The following DISC1 variants were observed in gnomAD, a reference collection of about 807,000 sequenced individuals.
DISC1 encodes the protein DISC1 scaffold protein.
DISC1 carries 57 observed loss-of-function variants against 84.5 expected under a neutral mutation model. That is an observed-to-expected ratio of 0.67 (90% CI 0.55 to 0.84). The LOEUF is 0.84. DISC1 is among the 40% of genes least tolerant of loss of function. The probability of loss-of-function intolerance (pLI) is 0.00; values close to 1 mark genes in which losing one functional copy is unlikely to be tolerated. For missense variants in DISC1, 1,000 were observed against 1,057.8 expected (o/e 0.95, Z 0.76); for synonymous variants, 411 against 415.2 (o/e 0.99, Z 0.12).
intron 10 of DISC1, among the ~76,000 whole-genome samples, chr1:231,965,961 T>C (rs1479252063): frequency 6.6e-6 from 1 of 152,242 alleles, no homozygotes; most frequent in Non-Finnish European, 1.5e-5. Flanking sequence ...AGATGGAGCC[T>C]TTACTTTTCT....
At chr1:231,640,734 CTA>C (rs953881746) in intron 1 of DISC1, among the ~76,000 whole-genome samples, 2 of 151,982 alleles carry the variant, frequency 1.3e-5, no homozygotes, top group South Asian at 4.2e-4. Context: ...CAGGATCTCC[CTA>C]TGTTACCCGG....
chr1:231,985,092 G>C (rs1352017731), intron 10 of DISC1, among the ~76,000 whole-genome samples: 1 of 152,094 alleles, frequency 6.6e-6, no homozygotes. Flanking sequence ...AGGCCAAGGT[G>C]GGTGGGTCAC....
intron 3 of DISC1, among the ~76,000 whole-genome samples, chr1:231,740,204 A>G (rs1212297044): frequency 6.6e-6 from 1 of 152,286 alleles, no homozygotes; most frequent in Non-Finnish European, 1.5e-5. Context: ...GTACTCTGTA[A>G]TAGCATCACC....
At chr1:231,861,941 C>T (rs1455931385) in intron 9 of DISC1, among the ~76,000 whole-genome samples, 1 of 151,828 alleles carries the variant, frequency 6.6e-6, no homozygotes, top group South Asian at 2.1e-4. Context: ...AACCAGTTCT[C>T]CAGGAAAAAA....
intron 1 of DISC1, among the ~76,000 whole-genome samples, chr1:231,652,992 C>G (rs1275951079): frequency 2.0e-4 from 30 of 152,120 alleles, no homozygotes; most frequent in Non-Finnish European, 2.9e-5. Flanking sequence ...GTTGGCCAGG[C>G]TGGTCTTGAA....
rs966308257 is a variant in DISC1 at position 232,038,842 on chromosome 1, C to T, written c.*2011C>T. The T allele has an allele frequency of 8.5e-5, 13 of 152,240 alleles. No homozygotes were observed. The highest frequency in any genetic ancestry group is 3.1e-4 in the African/African-American group (13 of 41,552). 9.4% of individuals were successfully genotyped at this position (152,240 alleles called of 1,614,324 possible). On this transcript the variant is annotated 3_prime_UTR_variant, in exon 13 of 13. Transcript: ENST00000439617. ...TCACTAGGATCCACGGATATGAGAC[C>T]ATTTTTGTCATTTCCTGAAGTCACA...
At chr1:231,635,639 T>C (rs1260847874) in intron 1 of DISC1, among the ~76,000 whole-genome samples, 1 of 152,234 alleles carries the variant, frequency 6.6e-6, no homozygotes, top group African/African-American at 2.4e-5. Flanking sequence ...AAACTCTTAA[T>C]TATATTTAGG....
At chr1:231,813,828 C>A (rs1449687045) in intron 8 of DISC1, among the ~76,000 whole-genome samples, 2 of 152,194 alleles carry the variant, frequency 1.3e-5, no homozygotes, top group Non-Finnish European at 2.9e-5. Flanking sequence ...CTGGAATAAT[C>A]TCTCTTCTCC....
intron 1 of DISC1, among the ~76,000 whole-genome samples, chr1:231,657,350 T>C (rs188453802): frequency 2.0e-5 from 3 of 152,328 alleles, no homozygotes; most frequent in South Asian, 4.1e-4. Flanking sequence ...TCGTATCTTA[T>C]TGTGGTTTTT....
At chr1:231,754,726 AG>A (rs2074950778) in intron 4 of DISC1, among the ~76,000 whole-genome samples, 1 of 152,394 alleles carries the variant, frequency 6.6e-6, no homozygotes, top group South Asian at 2.1e-4. Flanking sequence ...TAATTATATT[AG>A]GTTACACCAT....
chr1:231,999,174 A>G (rs1051220668), intron 10 of DISC1, among the ~76,000 whole-genome samples: 2 of 152,164 alleles, frequency 1.3e-5, no homozygotes, highest in Non-Finnish European at 2.9e-5. Context: ...CTGGTCTGGG[A>G]AAAAAGGCAT....
intron 9 of DISC1, among the ~76,000 whole-genome samples, chr1:231,865,541 C>G (rs1226851968): frequency 2.6e-5 from 4 of 152,196 alleles, no homozygotes; most frequent in Admixed American, 6.5e-5. Context: ...TAAACACTAA[C>G]TGATCTGTAG....
chr1:231,797,881 T>C (rs2078881486), intron 7 of DISC1, among the ~76,000 whole-genome samples: 1 of 152,100 alleles, frequency 6.6e-6, no homozygotes. Flanking sequence ...ACACAGGTTT[T>C]CCGGGGATGT....
In DISC1 at chr1:232,009,424, C is replaced by T; in HGVS notation, c.2307+375C>T. On this transcript the variant is annotated intron_variant, in intron 11 of 12. Transcript: ENST00000439617. This position sits in a 1 kb window ranked among gnomAD's most constrained non-coding sequence, Gnocchi z 4.6. The stretch of plus-strand genomic sequence containing the variant: ...CCATACATGATATTTAACATATATA[C>T]TATACATTATGTATTGTATGTCATA... The T allele has an allele frequency of 1.7e-6, 1 of 600,982 alleles. No homozygotes were observed. The highest frequency in any genetic ancestry group is 2.1e-6 in the Non-Finnish European group (1 of 478,724). The allele number at this position is 600,982 out of a possible 1,614,324, so 37.2% of individuals were successfully genotyped here. A position where few individuals can be genotyped will look rare whatever the true frequency, so the allele number is the denominator to read the frequency against.
chr1:231,753,310 G>T (rs1343706807), intron 4 of DISC1, among the ~76,000 whole-genome samples: 1 of 152,230 alleles, frequency 6.6e-6, no homozygotes, highest in Non-Finnish European at 1.5e-5. Flanking sequence ...AGGCTCCCAA[G>T]CCTCAACTCT....
intron 1 of DISC1, among the ~76,000 whole-genome samples, chr1:231,649,812 T>G (rs900364745): frequency 1.3e-5 from 2 of 152,200 alleles, no homozygotes; most frequent in African/African-American, 2.4e-5. Flanking sequence ...CATTATGTAA[T>G]GGCCTTCTTT....
At chr1:231,859,064 A>C (rs1403949825) in intron 9 of DISC1, among the ~76,000 whole-genome samples, 2 of 152,188 alleles carry the variant, frequency 1.3e-5, no homozygotes, top group Non-Finnish European at 2.9e-5. Flanking sequence ...GCTGCATCTC[A>C]TCAACCTATT....
chr1:231,758,324 G>A (rs961795646), intron 4 of DISC1, among the ~76,000 whole-genome samples: 1 of 152,054 alleles, frequency 6.6e-6, no homozygotes, highest in Non-Finnish European at 1.5e-5. Context: ...CCTTCTTGCA[G>A]GGCACCCCCA....
chr1:231,885,504 T>C, intron 9 of DISC1, among the ~76,000 whole-genome samples: 1 of 152,218 alleles, frequency 6.6e-6, no homozygotes, highest in Middle Eastern at 3.2e-3. Flanking sequence ...TCAAGCCCGA[T>C]GTAGCCTGTT....
Sources: allele counts gnomAD v4.1 joint callset (sites outside exome capture counted in the v4.1 genomes callset), GRCh38; gene constraint gnomAD v4.1.1; non-coding constraint Gnocchi (gnomAD v3.1); transcripts MANE v1.5; gene names NCBI Gene and HGNC (gene_info 2026-07-23, HGNC 2026-07-21).